GALNT13: variants seen among roughly 807,000 people sequenced by gnomAD.
GALNT13 encodes polypeptide N-acetylgalactosaminyltransferase 13, also known as UDP-GalNAc:polypeptide N-acetylgalactosaminyltransferase 13.
In GALNT13, 28 loss-of-function variants were observed where a neutral mutation model predicts 64.2. The ratio of observed to expected loss-of-function variants is 0.44; its 90% CI spans 0.32 to 0.60. GALNT13 has a LOEUF of 0.60. Ranked by LOEUF, GALNT13 falls within the 20% of genes least tolerant of loss-of-function variation. The pLI, the probability that GALNT13 is intolerant of heterozygous loss-of-function variation, is 0.05. For synonymous variants in GALNT13, 214 were observed against 224.6 expected (o/e 0.95, Z 0.42); for missense variants, 577 against 669.8 (o/e 0.86, Z 1.53).
At chr2:154,062,073 G>A (rs528991850) in intron 3 of GALNT13, among the ~76,000 whole-genome samples, 1 of 152,200 alleles carries the variant, frequency 6.6e-6, no homozygotes, top group Non-Finnish European at 1.5e-5. Context: ...TTTCAGAGAA[G>A]TTTGATGAAA....
At chr2:154,129,646 A>G (rs1276711028) in intron 3 of GALNT13, among the ~76,000 whole-genome samples, 1 of 152,044 alleles carries the variant, frequency 6.6e-6, no homozygotes, top group Admixed American at 6.6e-5. Flanking sequence ...TATTATATAT[A>G]ATACGTAAAG....
chr2:154,410,858 A>C (rs911648538), intron 11 of GALNT13, among the ~76,000 whole-genome samples: 2 of 151,960 alleles, frequency 1.3e-5, no homozygotes, highest in Non-Finnish European at 2.9e-5. Flanking sequence ...ACCCCAGATG[A>C]ATTCTCTACA....
intron 4 of GALNT13, among the ~76,000 whole-genome samples, chr2:154,165,835 G>A (rs1038040624): frequency 6.6e-5 from 10 of 152,168 alleles, no homozygotes; most frequent in Non-Finnish European, 1.5e-4. Flanking sequence ...GCTATTAGCT[G>A]AACTCAGTAG....
chr2:154,341,306 C>A (rs1029900245), intron 9 of GALNT13, among the ~76,000 whole-genome samples: 1 of 152,064 alleles, frequency 6.6e-6, no homozygotes, highest in African/African-American at 2.4e-5. Flanking sequence ...TTAAAAAAAT[C>A]TATGCTCTTG....
At chr2:153,437,381 C>T in the GALNT13 span, among the ~76,000 whole-genome samples, 203 of 152,078 alleles carry the variant, frequency 1.3e-3, 1 homozygote, top group Admixed American at 3.9e-3. Flanking sequence ...TGGATATCCT[C>T]GTTGACTTTC....
the GALNT13 span, among the ~76,000 whole-genome samples, chr2:153,670,971 A>G: frequency 7.9e-5 from 12 of 152,234 alleles, no homozygotes; most frequent in Admixed American, 3.9e-4. Flanking sequence ...TTATCAAATT[A>G]ATGAAATAAA....
chr2:153,664,295 G>C, the GALNT13 span, among the ~76,000 whole-genome samples: 8 of 152,142 alleles, frequency 5.3e-5, no homozygotes, highest in Non-Finnish European at 1.5e-5. Flanking sequence ...GTTATTCCTT[G>C]CTGGGAAAAG....
chr2:153,839,288 G>T, the GALNT13 span, among the ~76,000 whole-genome samples: 1 of 151,614 alleles, frequency 6.6e-6, no homozygotes, highest in African/African-American at 2.4e-5. Flanking sequence ...AGAACTTCTA[G>T]TACTATATTG....
intron 11 of GALNT13, among the ~76,000 whole-genome samples, chr2:154,419,865 G>A (rs1222609730): frequency 6.6e-6 from 1 of 152,128 alleles, no homozygotes; most frequent in Admixed American, 6.6e-5. Flanking sequence ...GTATGTCAGT[G>A]CAAATAGTAG....
the GALNT13 span, among the ~76,000 whole-genome samples, chr2:153,648,046 T>C: frequency 6.6e-6 from 1 of 152,182 alleles, no homozygotes; most frequent in South Asian, 2.1e-4. Context: ...AATCTGTAAA[T>C]TACCTTGGGA....
the GALNT13 span, among the ~76,000 whole-genome samples, chr2:153,814,719 A>G: frequency 6.6e-6 from 1 of 152,080 alleles, no homozygotes; most frequent in Non-Finnish European, 1.5e-5. Flanking sequence ...AATGCTCCTG[A>G]TTGTTTTCAT....
the GALNT13 span, among the ~76,000 whole-genome samples, chr2:153,696,190 G>A: frequency 4.9e-4 from 74 of 152,276 alleles, no homozygotes; most frequent in Non-Finnish European, 7.9e-4. Context: ...AGAGCCCCTA[G>A]CAAACTACTG....
chr2:154,025,300 A>G (rs956782179), intron 3 of GALNT13, among the ~76,000 whole-genome samples: 4 of 152,172 alleles, frequency 2.6e-5, no homozygotes, highest in Admixed American at 2.0e-4. Context: ...CTATTTGGCC[A>G]TCTTGGCTCC....
intron 4 of GALNT13, among the ~76,000 whole-genome samples, chr2:154,239,517 G>A (rs1012156388): frequency 6.6e-6 from 1 of 151,956 alleles, no homozygotes; most frequent in Non-Finnish European, 1.5e-5. Context: ...GAGGAAAATG[G>A]TAGAGAGAAC....
At chr2:153,629,066 TA>T in the GALNT13 span, among the ~76,000 whole-genome samples, 24 of 152,166 alleles carry the variant, frequency 1.6e-4, no homozygotes, top group African/African-American at 5.8e-4. Context: ...CTTCCTGGTT[TA>T]GTCTTGGGAG....
At position 154,071,285 on chromosome 2, in the gene GALNT13, A is replaced by G. The variant is rs149333663; in HGVS notation, c.143-69052A>G. 5.3e-3 allele frequency among the ~76,000 whole-genome samples: 809 copies of G among 152,242 alleles called. 31 individuals are homozygous for G. Among genetic ancestry groups the G allele is most frequent in the Admixed American group, 0.048 (736 of 15,258 alleles). ...CTATTTATTTTCATGAGACTGATAT[A>G]GGGGGTTGACGCCATTTAGATGAAG... is the stretch of plus-strand genomic sequence containing the variant. On this transcript the variant is annotated intron_variant, in intron 3 of 12. Transcript: ENST00000392825.
At chr2:153,973,546 T>A (rs977387566) in intron 3 of GALNT13, among the ~76,000 whole-genome samples, 5 of 152,030 alleles carry the variant, frequency 3.3e-5, no homozygotes, top group African/African-American at 1.2e-4. Context: ...CCCATTATAA[T>A]CTTTTTATAA....
the GALNT13 span, among the ~76,000 whole-genome samples, chr2:153,773,308 G>T: frequency 3.9e-5 from 6 of 152,200 alleles, no homozygotes; most frequent in African/African-American, 1.2e-4. Flanking sequence ...TGAGCTGAAA[G>T]CTCCCAGTGT....
Position 153,884,803 on chromosome 2 carries a change from ATATG to A in GALNT13, c.-177+12502_-177+12505del, listed in dbSNP as rs1449351773. On this transcript the variant is annotated intron_variant, in intron 1 of 12. Coordinates refer to ENST00000392825, the MANE Select transcript of GALNT13 (RefSeq NM_052917.4). ...TATATATATGTGTGTGTATATATAT[ATATG>A]TGTGTGTGTGTGTATATATATGTGT... 2.6e-4 allele frequency among the ~76,000 whole-genome samples: 35 copies of A among 132,832 alleles called. 2 individuals are homozygous for A. Among genetic ancestry groups the A allele is most frequent in the African/African-American group, 9.9e-4 (32 of 32,242 alleles). The allele number at this position is 132,832 out of a possible 152,430, so 87.1% of individuals were successfully genotyped here.
Sources: allele counts gnomAD v4.1 joint callset (sites outside exome capture counted in the v4.1 genomes callset), GRCh38; gene constraint gnomAD v4.1.1; transcripts MANE v1.5; gene names NCBI Gene and HGNC (gene_info 2026-07-23, HGNC 2026-07-21).